Variants in BFSP1 observed in about 807,000 individuals in gnomAD.
BFSP1 encodes the protein beaded filament structural protein 1.
A neutral mutation model predicts 43.9 loss-of-function variants in BFSP1; 38 were observed. The ratio of observed to expected loss-of-function variants is 0.87; its 90% CI spans 0.67 to 1.14. The LOEUF (loss-of-function observed/expected upper bound fraction) is 1.14, where lower values mean the gene tolerates loss of function less well. Among genes scored for constraint, BFSP1 ranks in the 50% most tolerant of loss-of-function variants. The pLI is 0.00. For missense variants in BFSP1, 850 were observed against 875.1 expected (o/e 0.97, Z 0.36); for synonymous variants, 352 against 354.8 (o/e 0.99, Z 0.09).
upstream of BFSP1, among the ~76,000 whole-genome samples, chr20:17,531,853 A>C (rs1053007343): frequency 1.3e-5 from 2 of 151,240 alleles, no homozygotes; most frequent in Admixed American, 6.6e-5. Flanking sequence ...TTTATTTCCA[A>C]TTGCTCGGTT....
rs992712466 is a variant in BFSP1, at chr20:17,525,109, G to A, written c.378-201C>T. Among the ~76,000 whole-genome samples, 1 of 152,078 alleles carries A rather than the reference G, an allele frequency of 6.6e-6. No homozygotes were observed. The highest frequency in any genetic ancestry group is 2.4e-5 in the African/African-American group (1 of 41,402). ...CAGAAAGTGGTACCATTTGCACACC[G>A]CGTGGGGTAACCAGGGGCAGTTAGC... On this transcript the variant is annotated intron_variant, in intron 1 of 7. Transcript: ENST00000377873. The surrounding 1 kb of genome is among the most constrained non-coding windows in gnomAD (Gnocchi z 4.2).
chr20:17,500,954 T>C (rs1414209660), intron 5 of BFSP1, among the ~76,000 whole-genome samples: 1 of 152,052 alleles, frequency 6.6e-6, no homozygotes, highest in Non-Finnish European at 1.5e-5. Flanking sequence ...GAAGCCAGGG[T>C]GCACTGGAAC....
chr20:17,534,489 C>T (rs1400080706), upstream of BFSP1, among the ~76,000 whole-genome samples: 1 of 152,236 alleles, frequency 6.6e-6, no homozygotes, highest in Non-Finnish European at 1.5e-5. Context: ...ATCTTTCACT[C>T]TCAAGGGTAT....
intron 7 of BFSP1, among the ~76,000 whole-genome samples, chr20:17,495,561 C>T (rs1207251696): frequency 6.6e-6 from 1 of 152,168 alleles, no homozygotes; most frequent in Non-Finnish European, 1.5e-5. Flanking sequence ...CTACCTCATT[C>T]CATAATTAGC....
intron 1 of BFSP1, among the ~76,000 whole-genome samples, chr20:17,551,713 C>T (rs371457562): frequency 2.6e-4 from 39 of 152,144 alleles, no homozygotes; most frequent in East Asian, 9.7e-4. Flanking sequence ...CTGGGTGTGA[C>T]GGCTCACACC....
chr20:17,515,465 A>AT (rs2034178498), intron 2 of BFSP1, among the ~76,000 whole-genome samples: 1 of 152,202 alleles, frequency 6.6e-6, no homozygotes, highest in East Asian at 1.9e-4. Flanking sequence ...ACAAAAATGC[A>AT]TTTTTAGAAT....
intron 1 of BFSP1, among the ~76,000 whole-genome samples, chr20:17,526,099 T>C (rs1047017003): frequency 7.7e-6 from 1 of 129,174 alleles, no homozygotes; most frequent in African/African-American, 3.0e-5. Flanking sequence ...CAATGACATT[T>C]TGGGTAAGCC....
chr20:17,561,902 G>A (rs1274779006), upstream of BFSP1, among the ~76,000 whole-genome samples: 1 of 152,082 alleles, frequency 6.6e-6, no homozygotes, highest in African/African-American at 2.4e-5. Flanking sequence ...TCTTTCTAGA[G>A]AGAGGTTTTA....
At chr20:17,500,530 G>C (rs1350203388) in intron 5 of BFSP1, among the ~76,000 whole-genome samples, 1 of 152,230 alleles carries the variant, frequency 6.6e-6, no homozygotes, top group African/African-American at 2.4e-5. Context: ...ATAAAAAAAA[G>C]TCTAGCACAT....
At chr20:17,539,105 CTTTTTTTTTT>C (rs1156875265) in intron 1 of BFSP1, among the ~76,000 whole-genome samples, 3 of 63,564 alleles carry the variant, frequency 4.7e-5, no homozygotes, top group Non-Finnish European at 8.6e-5. Flanking sequence ...ATTTCTTCTT[CTTTTTTTTTT>C]TTTTTTTTTT....
intron 2 of BFSP1, among the ~76,000 whole-genome samples, chr20:17,516,391 G>A (rs2034201575): frequency 6.6e-6 from 1 of 152,136 alleles, no homozygotes; most frequent in Non-Finnish European, 1.5e-5. Context: ...TTGCTCTTGT[G>A]AAAGACCACT....
At chr20:17,552,405 C>T (rs994975655) in intron 1 of BFSP1, among the ~76,000 whole-genome samples, 26 of 152,070 alleles carry the variant, frequency 1.7e-4, no homozygotes, top group African/African-American at 5.3e-4. Context: ...GGAAGGGCAA[C>T]GAGAGGACAG....
intron 3 of BFSP1, among the ~76,000 whole-genome samples, chr20:17,512,757 G>A (rs904490432): frequency 3.9e-5 from 6 of 152,260 alleles, no homozygotes; most frequent in Admixed American, 2.6e-4. Flanking sequence ...AGGGCACAAA[G>A]GACCCTTTCC....
chr20:17,531,423 C>T (rs1207091245), upstream of BFSP1: 2 of 1,250,816 alleles, frequency 1.6e-6, no homozygotes, highest in South Asian at 2.4e-5. Context: ...CACCGGAGGC[C>T]CCCGGCGCGC....
rs1293524870 is a variant in BFSP1, at chr20:17,494,488, C to T, written c.1584G>A (p.Leu528=). ...TTGGTTGTCCATCTTCTTTCTCCTG[C>T]AGACCCACCTGCCCATTCTCTAAAG... ...KPPLENGQVG[L]QEKEDGQPID... Residue 528 remains leucine, a synonymous_variant, in exon 8 of 8, where the codon CTG becomes CTA. Coordinates refer to ENST00000377873, the MANE Select transcript of BFSP1 (RefSeq NM_001195.5). 1 of 1,614,218 alleles carries T rather than the reference C, an allele frequency of 6.2e-7. No individual in the cohort carries two copies. The highest frequency in any genetic ancestry group is 1.1e-5 in the South Asian group (1 of 91,086).
chr20:17,542,159 A>C (rs912725769), intron 1 of BFSP1, among the ~76,000 whole-genome samples: 1 of 152,154 alleles, frequency 6.6e-6, no homozygotes, highest in African/African-American at 2.4e-5. Flanking sequence ...TTAGTAGATC[A>C]TGAGAGCCAA....
In BFSP1 at chr20:17,558,892, G is replaced by C. The variant is rs79662078; in HGVS notation, c.-203C>G. On this transcript the variant is annotated 5_prime_UTR_variant, in exon 1 of 8. Coordinates refer to the BFSP1 transcript ENST00000377868. Reference sequence around the variant, plus strand: ...GACTCACTGGCTCAAGGGGTGGGAGGGAAGGCTTTCCACAGGATAGAGAAT... The same window carrying C: ...GACTCACTGGCTCAAGGGGTGGGAGCGAAGGCTTTCCACAGGATAGAGAAT... 8.0e-3 allele frequency: 4,955 copies of C among 616,362 alleles called. 24 individuals are homozygous for C. The highest frequency in any genetic ancestry group is 0.011 in the Middle Eastern group (28 of 2,488). 38.2% of individuals were successfully genotyped at this position (616,362 alleles called of 1,614,324 possible).
intron 1 of BFSP1, among the ~76,000 whole-genome samples, chr20:17,550,840 A>T (rs2034885634): frequency 6.6e-6 from 1 of 152,206 alleles, no homozygotes; most frequent in African/African-American, 2.4e-5. Flanking sequence ...TTTTTCTGTC[A>T]TAGTTTATCC....
chr20:17,521,337 G>A (rs1199164226), intron 2 of BFSP1, among the ~76,000 whole-genome samples: 1 of 152,204 alleles, frequency 6.6e-6, no homozygotes, highest in East Asian at 1.9e-4. Flanking sequence ...GATTACACGG[G>A]CAGCATGAAG....
Sources: gnomAD v4.1 joint callset for allele counts (sites outside exome capture counted in the v4.1 genomes callset) on GRCh38, gnomAD v4.1.1 for gene constraint, Gnocchi (gnomAD v3.1) non-coding constraint, MANE v1.5 for transcripts, NCBI Gene and HGNC (gene_info 2026-07-23, HGNC 2026-07-21) for gene names.